UPRT: variants seen among roughly 807,000 people sequenced by gnomAD.
UPRT encodes the protein uracil phosphoribosyltransferase homolog.
In UPRT, 5 loss-of-function variants were observed where a neutral mutation model predicts 22.6. The observed-to-expected ratio is 0.22, with a 90% CI of 0.12 to 0.47. UPRT has a LOEUF of 0.47. UPRT is among the 20% of genes least tolerant of loss of function. The pLI is 0.99. For synonymous variants in UPRT, 77 were observed against 87.7 expected (o/e 0.88, Z 0.68); for missense variants, 181 against 239.9 (o/e 0.75, Z 1.62).
chrX:75,229,025 T>C (rs1164059567), intron 4 of UPRT, among the ~76,000 whole-genome samples: 3 of 111,852 alleles, frequency 2.7e-5, no homozygotes, highest in Non-Finnish European at 5.6e-5. Context: ...ATTGGAGATA[T>C]GTTGGTAAAA....
At chrX:75,250,713 A>C (rs2082526220) in intron 4 of UPRT, among the ~76,000 whole-genome samples, 1 of 111,648 alleles carries the variant, frequency 9.0e-6, no homozygotes, top group Admixed American at 9.5e-5. Flanking sequence ...TCATTTTATG[A>C]GGCCAGCATC....
chrX:75,254,009 C>G (rs1195095029), intron 4 of UPRT, among the ~76,000 whole-genome samples: 1 of 111,334 alleles, frequency 9.0e-6, no homozygotes, highest in Non-Finnish European at 1.9e-5. Context: ...CCTTTGGGAG[C>G]AAGAAATCTC....
At chrX:75,157,110 C>T (rs751092029) in intron 1 of UPRT, among the ~76,000 whole-genome samples, 1 of 112,124 alleles carries the variant, frequency 8.9e-6, no homozygotes, top group Non-Finnish European at 1.9e-5. Context: ...TATTATCAAA[C>T]AAAATGTCAA....
chrX:75,205,873 G>A (rs1425753749), intron 4 of UPRT, among the ~76,000 whole-genome samples: 1 of 111,745 alleles, frequency 8.9e-6, no homozygotes, highest in Non-Finnish European at 1.9e-5. Flanking sequence ...AGGATAAAAT[G>A]GCATTTGTAC....
chrX:75,272,307 T>TAA (rs2082611428), upstream of UPRT, among the ~76,000 whole-genome samples: 1 of 15,053 alleles, frequency 6.6e-5, no homozygotes, highest in African/African-American at 8.1e-5. Context: ...TGTGTATATA[T>TAA]ATGTGTATAT....
At chrX:75,292,596 G>T (rs1362824435) in intron 1 of UPRT, among the ~76,000 whole-genome samples, 4 of 111,590 alleles carry the variant, frequency 3.6e-5, no homozygotes. Flanking sequence ...ATATCATTTT[G>T]AGGCTGTTTT....
intron 4 of UPRT, among the ~76,000 whole-genome samples, chrX:75,211,694 T>G (rs1169145579): frequency 9.0e-6 from 1 of 111,533 alleles, no homozygotes; most frequent in Non-Finnish European, 1.9e-5. Flanking sequence ...GGGTCTAGTT[T>G]TTGCTGCTTG....
intron 4 of UPRT, among the ~76,000 whole-genome samples, chrX:75,298,200 C>G (rs188723716): frequency 9.2e-6 from 1 of 108,405 alleles, no homozygotes; most frequent in African/African-American, 3.4e-5. Context: ...CTATGTTGCC[C>G]AGGCTGGTCT....
rs188628299 is a variant in UPRT at position 75,255,756 on chromosome X, A to G, written c.-446-35268A>G. Among the ~76,000 whole-genome samples, 12 of 112,312 alleles carry G rather than the reference A, an allele frequency of 1.1e-4. No individual in the cohort carries two copies. The East Asian group carries it at 3.1e-3, about 29-fold the overall frequency. ...AAACTTGAAAGCAACAGCAGTTAAT[A>G]AAGACAAAGAGGGAAATTATATAAT... On this transcript the variant is annotated intron_variant, in intron 4 of 13. Coordinates refer to the UPRT transcript ENST00000652605.
intron 4 of UPRT, among the ~76,000 whole-genome samples, chrX:75,186,545 G>T (rs1011147655): frequency 3.6e-5 from 4 of 111,537 alleles, no homozygotes; most frequent in African/African-American, 9.8e-5. Flanking sequence ...GGTCTGCTTG[G>T]TGCAGAGCTT....
At chrX:75,243,308 T>A (rs921645204) in intron 4 of UPRT, among the ~76,000 whole-genome samples, 3 of 111,602 alleles carry the variant, frequency 2.7e-5, no homozygotes, top group Non-Finnish European at 5.7e-5. Flanking sequence ...TGACCAGTAT[T>A]TTTTAACTAA....
intron 4 of UPRT, among the ~76,000 whole-genome samples, chrX:75,235,940 CT>C (rs1352611488): frequency 9.0e-6 from 1 of 111,225 alleles, no homozygotes; most frequent in Admixed American, 9.6e-5. Flanking sequence ...GTTGGAAGTT[CT>C]GGCCAGGGCA....
chrX:75,232,011 A>G (rs1408299629), intron 4 of UPRT, among the ~76,000 whole-genome samples: 1 of 111,824 alleles, frequency 8.9e-6, no homozygotes, highest in East Asian at 2.8e-4. Context: ...TGATTTCTGC[A>G]TTTCCATCTG....
intron 2 of UPRT, among the ~76,000 whole-genome samples, chrX:75,294,997 G>A (rs1429300991): frequency 9.0e-6 from 1 of 111,109 alleles, no homozygotes; most frequent in Non-Finnish European, 1.9e-5. Context: ...TAATGATTTG[G>A]ATCTCTCTCT....
chrX:75,242,920 A>G (rs889317087), intron 4 of UPRT, among the ~76,000 whole-genome samples: 1 of 111,596 alleles, frequency 9.0e-6, no homozygotes, highest in African/African-American at 3.2e-5. Context: ...GATAAATGAG[A>G]GTGATTCCTA....
chrX:75,241,973 C>T (rs2082489947), intron 4 of UPRT, among the ~76,000 whole-genome samples: 1 of 110,520 alleles, frequency 9.0e-6, no homozygotes, highest in South Asian at 3.9e-4. Flanking sequence ...GTACAGTGTG[C>T]ACTGCTTGGG....
At position 75,217,955 on chromosome X, in the gene UPRT, A is replaced by G. The variant is rs1361933556; in HGVS notation, c.-447+50076A>G. Among the ~76,000 whole-genome samples the G allele has an allele frequency of 9.8e-5, 11 of 111,802 alleles. No homozygotes were observed. In the East Asian group the frequency reaches 2.5e-3, roughly 26 times the overall value. ...AACCCTAGAAGAAAACCTAGGCATT[A>G]CCATTCAGGACATAGGCATGGGCAA... On this transcript the variant is annotated intron_variant, in intron 4 of 13. Coordinates refer to the UPRT transcript ENST00000652605.
intron 4 of UPRT, among the ~76,000 whole-genome samples, chrX:75,173,552 C>T (rs756166463): frequency 1.7e-4 from 19 of 112,716 alleles, no homozygotes; most frequent in East Asian, 1.4e-3. Flanking sequence ...GATCCTACAC[C>T]GGGGCTGCAG....
chrX:75,237,859 TAGTG>T (rs1202761606), intron 4 of UPRT, among the ~76,000 whole-genome samples: 4 of 104,691 alleles, frequency 3.8e-5, no homozygotes, highest in Non-Finnish European at 7.8e-5. Context: ...GATGACGAGT[TAGTG>T]GGTGCAGCGC....
Sources: allele counts gnomAD v4.1 joint callset (sites outside exome capture counted in the v4.1 genomes callset), GRCh38; gene constraint gnomAD v4.1.1; transcripts MANE v1.5; gene names NCBI Gene and HGNC (gene_info 2026-07-23, HGNC 2026-07-21).